Variants in TRHDE observed in about 807,000 individuals in gnomAD.
TRHDE encodes the protein thyrotropin-releasing hormone-degrading ectoenzyme.
TRHDE carries 72 observed loss-of-function variants against 125.7 expected under a neutral mutation model. That is an observed-to-expected ratio of 0.57 (90% CI 0.47 to 0.70). TRHDE has a LOEUF of 0.70. TRHDE is among the 30% of genes least tolerant of loss of function. The pLI is 0.00. For synonymous variants in TRHDE, 509 were observed against 509.1 expected (o/e 1.00, Z 0.00); for missense variants, 1,110 against 1,327.1 (o/e 0.84, Z 2.54).
chr12:72,398,323 A>G (rs1047941141), intron 3 of TRHDE, among the ~76,000 whole-genome samples: 6 of 152,140 alleles, frequency 3.9e-5, no homozygotes, highest in Non-Finnish European at 7.3e-5. Flanking sequence ...TAGCAGCATG[A>G]TTTATAGTCC....
chr12:72,652,195 G>A (rs1387103520), intron 15 of TRHDE, 127 bp from the exon 16 acceptor site: 4 of 489,250 alleles, frequency 8.2e-6, no homozygotes, highest in Non-Finnish European at 1.3e-5. Flanking sequence ...TTCTGTTTCA[G>A]GTAAAATCTA....
At chr12:72,355,336 G>A (rs900549472) in intron 2 of TRHDE, among the ~76,000 whole-genome samples, 2 of 151,498 alleles carry the variant, frequency 1.3e-5, no homozygotes, top group East Asian at 3.9e-4. Context: ...AAGAGTGCAT[G>A]CATAGCTGGT....
At chr12:72,414,541 A>G (rs1215824014) in intron 3 of TRHDE, among the ~76,000 whole-genome samples, 5 of 152,146 alleles carry the variant, frequency 3.3e-5, no homozygotes, top group East Asian at 1.9e-4. Flanking sequence ...TTAAGAATAG[A>G]GTAGGGTAAT....
chr12:72,545,807 A>G (rs1869387616), intron 7 of TRHDE, among the ~76,000 whole-genome samples: 1 of 151,656 alleles, frequency 6.6e-6, no homozygotes, highest in Non-Finnish European at 1.5e-5. Context: ...TTTTATGATT[A>G]AGCTACAGTG....
intron 1 of TRHDE, among the ~76,000 whole-genome samples, chr12:72,276,182 T>C (rs1879481938): frequency 6.6e-6 from 1 of 152,208 alleles, no homozygotes; most frequent in Non-Finnish European, 1.5e-5. Context: ...GTTGGACTTT[T>C]ATGTTGTCCA....
intron 2 of TRHDE, among the ~76,000 whole-genome samples, chr12:72,248,063 GTA>G (rs1878608437): frequency 6.6e-6 from 1 of 152,080 alleles, no homozygotes; most frequent in Non-Finnish European, 1.5e-5. Context: ...ATGCATGTGT[GTA>G]TATGTGTGTA....
chr12:72,272,840 A>C lies in TRHDE; in HGVS notation c.197A>C (p.Asp66Ala). The change falls in exon 1 of 19, where the codon GAC becomes GCC. Residue 66 changes from aspartate (D) to alanine (A), a missense_variant. Physicochemically the swap from Asp to Ala is moderately radical, Grantham distance 126. Coordinates refer to ENST00000261180, the MANE Select transcript of TRHDE (RefSeq NM_013381.3). This position sits in a 1 kb window ranked among gnomAD's most constrained non-coding sequence, Gnocchi z 6.7. ...GSRGLSDPWA[D>A]SVGVRPRTTE... Reference sequence around the variant, plus strand: ...AGGGGGCTCTCCGACCCGTGGGCAGACTCAGTGGGAGTGCGACCCCGCACC... The same window carrying C: ...AGGGGGCTCTCCGACCCGTGGGCAGCCTCAGTGGGAGTGCGACCCCGCACC... The C allele has an allele frequency of 6.3e-7, 1 of 1,581,630 alleles. No individual in the cohort carries two copies. Among genetic ancestry groups the C allele is most frequent in the Non-Finnish European group, 8.5e-7 (1 of 1,170,840 alleles).
intron 3 of TRHDE, among the ~76,000 whole-genome samples, chr12:72,440,553 A>G (rs1172159753): frequency 1.3e-5 from 2 of 151,972 alleles, no homozygotes; most frequent in South Asian, 2.1e-4. Flanking sequence ...ATATATAAGC[A>G]TATAAATGCT....
At chr12:72,233,336 C>A (rs1403475761) in intron 2 of TRHDE, among the ~76,000 whole-genome samples, 6 of 152,012 alleles carry the variant, frequency 3.9e-5, no homozygotes, top group Non-Finnish European at 7.4e-5. Flanking sequence ...CAACTCTGCC[C>A]TTATTCTCAA....
chr12:72,430,243 A>T (rs951036666), intron 3 of TRHDE, among the ~76,000 whole-genome samples: 2 of 147,252 alleles, frequency 1.4e-5, no homozygotes, highest in East Asian at 2.0e-4. Flanking sequence ...ATATATATGT[A>T]TGTGTGTGTA....
chr12:72,570,784 C>T (rs543428985), intron 10 of TRHDE, among the ~76,000 whole-genome samples: 94 of 152,120 alleles, frequency 6.2e-4, no homozygotes, highest in African/African-American at 1.8e-3. Context: ...GCAGCGTTTG[C>T]GCAGTAGATA....
chr12:72,387,680 T>C (rs1300228572), intron 3 of TRHDE, among the ~76,000 whole-genome samples: 1 of 152,178 alleles, frequency 6.6e-6, no homozygotes, highest in African/African-American at 2.4e-5. Context: ...TTCCACATGT[T>C]GTGCAAGGGA....
In TRHDE at chr12:72,392,654, C is replaced by T. The variant is rs1339884651; in HGVS notation, c.1315+14533C>T. ...ATACATGAATTGATGTGGTTGTGTT[C>T]CAATAACATCTTGTTTACTAAAACA... On this transcript the variant is annotated intron_variant, in intron 3 of 18. Transcript: ENST00000261180. Among the ~76,000 whole-genome samples, 3 of 152,118 alleles carry T rather than the reference C, an allele frequency of 2.0e-5. No individual in the cohort carries two copies. The East Asian group carries it at 5.8e-4, about 29-fold the overall frequency.
intron 1 of TRHDE, among the ~76,000 whole-genome samples, chr12:72,101,376 T>G (rs2139289254): frequency 6.6e-6 from 1 of 152,230 alleles, no homozygotes; most frequent in East Asian, 1.9e-4. Flanking sequence ...AGACACAGAG[T>G]GAGTGGCTGC....
chr12:72,413,572 T>C (rs10748196), intron 3 of TRHDE, among the ~76,000 whole-genome samples: 47,089 of 151,756 alleles, frequency 0.31, 9,852 homozygotes, highest in African/African-American at 0.57. Flanking sequence ...TTTTAAACTA[T>C]GTATGTAATT....
chr12:72,349,130 A>C (rs983619787), intron 2 of TRHDE, among the ~76,000 whole-genome samples: 3 of 152,034 alleles, frequency 2.0e-5, no homozygotes, highest in Non-Finnish European at 4.4e-5. Context: ...CCGTAGTTGT[A>C]ATTTCTCATA....
chr12:72,157,081 A>AGGAAATGG (rs1208180315), intron 2 of TRHDE, among the ~76,000 whole-genome samples: 1 of 151,986 alleles, frequency 6.6e-6, no homozygotes, highest in Non-Finnish European at 1.5e-5. Context: ...TTCTGGGCAG[A>AGGAAATGG]GGAAATGGCA....
At chr12:72,208,214 A>C (rs917468285) in intron 2 of TRHDE, among the ~76,000 whole-genome samples, 1 of 151,978 alleles carries the variant, frequency 6.6e-6, no homozygotes, top group Admixed American at 6.6e-5. Context: ...ACACATTCAC[A>C]CACCCACATC....
At position 72,619,975 on chromosome 12, in the gene TRHDE, A is replaced by AT. The variant is rs975258517; in HGVS notation, c.2469+945dup. On this transcript the variant is annotated intron_variant, in intron 13 of 18. Coordinates refer to ENST00000261180, the MANE Select transcript of TRHDE (RefSeq NM_013381.3). Reference sequence around the variant, plus strand: ...CCTACAGAAAATAAACTGTTTAATGATTTTTTTTAAAAAATGGGAATAATT... The same window carrying AT: ...CCTACAGAAAATAAACTGTTTAATGATTTTTTTTTAAAAAATGGGAATAATT... Among the ~76,000 whole-genome samples the AT allele has an allele frequency of 1.6e-4, 23 of 148,264 alleles. No homozygotes were observed. The East Asian group carries it at 2.7e-3, about 18-fold the overall frequency.
Sources: allele counts gnomAD v4.1 joint callset (sites outside exome capture counted in the v4.1 genomes callset), GRCh38; gene constraint gnomAD v4.1.1; non-coding constraint Gnocchi (gnomAD v3.1); transcripts MANE v1.5; gene names NCBI Gene and HGNC (gene_info 2026-07-23, HGNC 2026-07-21).